WHR1: variants seen among roughly 807,000 people sequenced by gnomAD.
WHR1 encodes the protein winged helix repair factor 1, also known as MHC class III HLA-RP1.
At chr6:31,977,640 CAT>C in the WHR1 span, among the ~76,000 whole-genome samples, 1 of 151,124 alleles carries the variant, frequency 6.6e-6, no homozygotes, top group Non-Finnish European at 1.5e-5. Flanking sequence ...TGAGCCACCG[CAT>C]CTGGCCTATT....
the WHR1 span, chr6:31,980,737 G>C: frequency 6.2e-7 from 1 of 1,608,114 alleles, no homozygotes; most frequent in Admixed American, 1.7e-5. Context: ...GCGGGCGCCT[G>C]TCGTGGTGCG....
the WHR1 span, chr6:31,971,696 G>A: frequency 1.1e-5 from 17 of 1,586,496 alleles, no homozygotes; most frequent in Non-Finnish European, 1.5e-5. The surrounding 1 kb of genome is among the most constrained non-coding windows in gnomAD (Gnocchi z 4.5). Context: ...GACAAGCAGG[G>A]GTACAGAGTT....
the WHR1 span, chr6:31,979,801 A>G: frequency 2.1e-6 from 1 of 472,808 alleles, no homozygotes; most frequent in African/African-American, 1.9e-5. Flanking sequence ...AAAAGCACAC[A>G]GGGGCCTGGC....
chr6:31,972,316 GA>G, the WHR1 span: 1 of 1,613,134 alleles, frequency 6.2e-7, no homozygotes, highest in Non-Finnish European at 8.5e-7. This position sits in a 1 kb window ranked among gnomAD's most constrained non-coding sequence, Gnocchi z 6.3. Context: ...GACGCCCGGG[GA>G]GACCGTACGT....
chr6:31,975,738 T>G, the WHR1 span, among the ~76,000 whole-genome samples: 5 of 152,030 alleles, frequency 3.3e-5, no homozygotes, highest in African/African-American at 1.2e-4. Flanking sequence ...CTTTTCCCGC[T>G]TTCTAGTCCA....
the WHR1 span, chr6:31,972,591 C>A: frequency 1.9e-6 from 3 of 1,599,144 alleles, no homozygotes; most frequent in Non-Finnish European, 2.6e-6. The surrounding 1 kb of genome is among the most constrained non-coding windows in gnomAD (Gnocchi z 6.3). Context: ...CGCCCCAGTT[C>A]CCTGTCCGTG....
chr6:31,978,737 G>C, the WHR1 span, among the ~76,000 whole-genome samples: 2 of 152,180 alleles, frequency 1.3e-5, no homozygotes, highest in African/African-American at 4.8e-5. Flanking sequence ...AGTTGGAAAA[G>C]GCTGCTTGGT....
At chr6:31,980,443 G>T in the WHR1 span, 1 of 1,610,688 alleles carries the variant, frequency 6.2e-7, no homozygotes, top group Non-Finnish European at 8.5e-7. Flanking sequence ...GCTTCCCACT[G>T]CCCTCAGGCA....
chr6:31,973,035 G>A, the WHR1 span: 1 of 682,654 alleles, frequency 1.5e-6, no homozygotes, highest in African/African-American at 1.8e-5. Context: ...GTCAGATCAT[G>A]ACAGGCCTTG....
chr6:31,975,831 G>T, the WHR1 span, among the ~76,000 whole-genome samples: 13 of 151,792 alleles, frequency 8.6e-5, no homozygotes, highest in African/African-American at 3.1e-4. Flanking sequence ...GGGCAGAGGG[G>T]CTCCTCACTT....
the WHR1 span, chr6:31,971,926 T>C: frequency 6.5e-7 from 1 of 1,538,420 alleles, no homozygotes; most frequent in South Asian, 1.2e-5. The surrounding 1 kb of genome is among the most constrained non-coding windows in gnomAD (Gnocchi z 4.5). Flanking sequence ...AGAATCCAGT[T>C]ACCTCAAAGC....
At chr6:31,980,739 C>T in the WHR1 span, 17 of 1,607,528 alleles carry the variant, frequency 1.1e-5, no homozygotes, top group African/African-American at 1.1e-4. Flanking sequence ...GGGCGCCTGT[C>T]GTGGTGCGGC....
the WHR1 span, chr6:31,980,309 C>T: frequency 2.6e-6 from 2 of 756,928 alleles, no homozygotes; most frequent in South Asian, 2.0e-5. Context: ...CACAGAACCA[C>T]CCCAGGCTGG....
the WHR1 span, chr6:31,972,811 C>G: frequency 1.9e-6 from 3 of 1,600,344 alleles, no homozygotes; most frequent in South Asian, 3.3e-5. This position sits in a 1 kb window ranked among gnomAD's most constrained non-coding sequence, Gnocchi z 6.3. Flanking sequence ...CCTGGAATTC[C>G]CTGTCACTCA....
At chr6:31,976,800 C>T in the WHR1 span, among the ~76,000 whole-genome samples, 13 of 152,256 alleles carry the variant, frequency 8.5e-5, no homozygotes, top group Admixed American at 2.6e-4. Context: ...GCGGCACCTC[C>T]GGAGGCCGAG....
the WHR1 span, chr6:31,972,209 T>C: frequency 4.3e-6 from 7 of 1,611,666 alleles, no homozygotes; most frequent in Non-Finnish European, 5.9e-6. This position sits in a 1 kb window ranked among gnomAD's most constrained non-coding sequence, Gnocchi z 6.3. Flanking sequence ...CTGGCGGAGG[T>C]GATGCTGGTA....
the WHR1 span, chr6:31,980,738 T>C: frequency 1.2e-6 from 2 of 1,608,120 alleles, no homozygotes; most frequent in Non-Finnish European, 1.7e-6. Context: ...CGGGCGCCTG[T>C]CGTGGTGCGG....
the WHR1 span, chr6:31,979,854 G>A: frequency 3.4e-6 from 1 of 295,626 alleles, no homozygotes; most frequent in Non-Finnish European, 6.3e-6. Flanking sequence ...GGGACTAAGA[G>A]GATAGAGAAT....
At chr6:31,979,194 GA>G in the WHR1 span, among the ~76,000 whole-genome samples, 1 of 131,176 alleles carries the variant, frequency 7.6e-6, no homozygotes, top group Non-Finnish European at 1.6e-5. Flanking sequence ...AGAGGGTAAA[GA>G]GGGGGGGAGA....
Sources: gnomAD v4.1 joint callset for allele counts (sites outside exome capture counted in the v4.1 genomes callset) on GRCh38, gnomAD v4.1.1 for gene constraint, Gnocchi (gnomAD v3.1) non-coding constraint, MANE v1.5 for transcripts, NCBI Gene and HGNC (gene_info 2026-07-23, HGNC 2026-07-21) for gene names.